The following ALMS1 variants were observed in gnomAD, a reference collection of about 807,000 sequenced individuals.
The protein encoded by ALMS1 is centrosome-associated protein ALMS1.
Under a neutral mutation model 352.2 loss-of-function variants are expected in ALMS1, and 271 were observed. The ratio of observed to expected loss-of-function variants is 0.77; its 90% CI spans 0.70 to 0.85. The LOEUF is 0.85. Among genes scored for constraint, ALMS1 ranks in the 40% least tolerant of loss-of-function variants. ALMS1 has a pLI of 0.00. For synonymous variants in ALMS1, 1,865 were observed against 1,761.2 expected (o/e 1.06, Z -1.48); for missense variants, 5,445 against 4,870.7 (o/e 1.12, Z -3.51).
At position 73,601,437 on chromosome 2, in the gene ALMS1, G is replaced by T. The variant is rs376719320; in HGVS notation, c.12114+1G>T. The T allele has an allele frequency of 6.2e-7, 1 of 1,613,862 alleles. No individual in the cohort carries two copies. Among genetic ancestry groups the T allele is most frequent in the Non-Finnish European group, 8.5e-7 (1 of 1,179,820 alleles). ...GCCATTTGTGAGAGCAACCCTTCAG[G>T]TGCAGTGACGTTGACTTAACTTTAA... is the stretch of plus-strand genomic sequence containing the variant. On this transcript the variant is annotated splice_donor_variant, in intron 19 of 22. Transcript: ENST00000613296. LOFTEE classifies it high-confidence loss of function.
chr2:73,541,107 A>T (rs1674168152), intron 12 of ALMS1, among the ~76,000 whole-genome samples: 1 of 152,224 alleles, frequency 6.6e-6, no homozygotes, highest in African/African-American at 2.4e-5. Context: ...TCCAAAAGTG[A>T]CCACATAGTT....
intron 13 of ALMS1, among the ~76,000 whole-genome samples, chr2:73,550,757 C>T (rs972918358): frequency 1.3e-5 from 2 of 152,020 alleles, no homozygotes; most frequent in African/African-American, 4.8e-5. Context: ...GATTAAATGC[C>T]ACATTAGTTT....
At chr2:73,535,464 A>G (rs1674008830) in intron 12 of ALMS1, among the ~76,000 whole-genome samples, 1 of 152,202 alleles carries the variant, frequency 6.6e-6, no homozygotes, top group African/African-American at 2.4e-5. Context: ...CAACTTCCCA[A>G]ACCATGAGAT....
Position 73,602,096 on chromosome 2 carries a change from T to C in ALMS1, c.12115-89T>C, listed in dbSNP as rs1057132675. 11 of 1,352,330 alleles carry C rather than the reference T, an allele frequency of 8.1e-6. 1 individual carries two copies. In the African/African-American group the frequency reaches 1.5e-4, roughly 18 times the overall value. The allele number at this position is 1,352,330 out of a possible 1,614,324, so 83.8% of individuals were successfully genotyped here. A position where few individuals can be genotyped will look rare whatever the true frequency, so the allele number is the denominator to read the frequency against. ...TTTGAATCAGACTTCCCCAAACCTCTTGGGCAGGTGGTGTGTCTCCAGGCA... is the reference window on the plus strand; with the variant it reads ...TTTGAATCAGACTTCCCCAAACCTCCTGGGCAGGTGGTGTGTCTCCAGGCA... On this transcript the variant is annotated intron_variant, in intron 19 of 22. Coordinates refer to ENST00000613296, the MANE Select transcript of ALMS1 (RefSeq NM_001378454.1).
intron 18 of ALMS1, 85 bp downstream of exon 18, chr2:73,600,966 C>T (rs1441251350): frequency 2.0e-6 from 3 of 1,485,528 alleles, no homozygotes; most frequent in Non-Finnish European, 1.8e-6. Context: ...TTCCAAGTGA[C>T]TCTATGTGGT....
intron 10 of ALMS1, among the ~76,000 whole-genome samples, chr2:73,493,148 C>A (rs1673027904): frequency 6.6e-6 from 1 of 151,902 alleles, no homozygotes. Context: ...GCCATTTGTT[C>A]AGGGTGTACG....
chr2:73,605,843 C>CA lies in ALMS1; in HGVS notation c.12362+2552dup, dbSNP rs1170715468. ...GGGCAACAAGTGCGAAACTCTGTCT[C>CA]AAAAAAAAAAAAAGAAAGAAAAGAA... On this transcript the variant is annotated intron_variant, in intron 21 of 22. Transcript: ENST00000613296. Among the ~76,000 whole-genome samples the CA allele has an allele frequency of 4.8e-3, 580 of 119,748 alleles. 8 individuals carry two copies. Among genetic ancestry groups the CA allele is most frequent in the Admixed American group, 9.6e-3 (112 of 11,680 alleles). The allele number at this position is 119,748 out of a possible 152,430, so 78.6% of individuals were successfully genotyped here. A position where few individuals can be genotyped will look rare whatever the true frequency, so the allele number is the denominator to read the frequency against.
In ALMS1 at chr2:73,448,275, T is replaced by C; in HGVS notation, c.1748T>C (p.Ile583Thr). 6.2e-7 allele frequency: 1 copy of C among 1,613,988 alleles called. No homozygotes were observed. Among genetic ancestry groups the C allele is most frequent in the Non-Finnish European group, 8.5e-7 (1 of 1,179,934 alleles). The change falls in exon 8 of 23, where the codon ATT becomes ACT. Residue 583 changes from isoleucine to threonine, a missense_variant. By Grantham distance (89) the Ile-to-Thr change is moderately conservative. Coordinates refer to ENST00000613296, the MANE Select transcript of ALMS1 (RefSeq NM_001378454.1). ...CACTCACATAGGGGGAAGCCCAGCA[T>C]TTTCTACCAGCAGGGCTTGCCAGAC... The part of the protein sequence containing the change: ...SSHSHRGKPS[I>T]FYQQGLPDSH...
chr2:73,424,844 A>G lies in ALMS1; in HGVS notation c.1179A>G (p.Ser393=), dbSNP rs765376715. Residue 393 remains serine (S), a synonymous_variant, in exon 5 of 23, where the codon TCA becomes TCG. Coordinates refer to ENST00000613296, the MANE Select transcript of ALMS1 (RefSeq NM_001378454.1). ...GTGACCATTTTGATGCTGCTCGTTC[A>G]TATGGGCAGTATTGGACACAGGAAG... ...KRSDHFDAAR[S]YGQYWTQEDS... 55 of 1,608,358 alleles carry G rather than the reference A, an allele frequency of 3.4e-5. No homozygotes were observed. The highest frequency in any genetic ancestry group is 4.6e-5 in the Non-Finnish European group (54 of 1,176,426).
intron 9 of ALMS1, among the ~76,000 whole-genome samples, chr2:73,486,450 T>C (rs1275353368): frequency 1.3e-5 from 2 of 152,170 alleles, no homozygotes; most frequent in Non-Finnish European, 2.9e-5. Flanking sequence ...TGGAGTAGAA[T>C]GGTTATTATT....
At chr2:73,580,956 G>T (rs566925497) in intron 16 of ALMS1, among the ~76,000 whole-genome samples, 15 of 152,188 alleles carry the variant, frequency 9.9e-5, no homozygotes, top group Non-Finnish European at 2.2e-4. Context: ...CTCCTTCAAT[G>T]CTTAGCCAGG....
chr2:73,478,849 C>A (rs2103859440), intron 9 of ALMS1, among the ~76,000 whole-genome samples: 1 of 152,094 alleles, frequency 6.6e-6, no homozygotes, highest in East Asian at 1.9e-4. Context: ...GCCCCTGACC[C>A]CACCGACAGG....
intron 1 of ALMS1, among the ~76,000 whole-genome samples, chr2:73,389,402 C>G (rs1182929169): frequency 6.6e-6 from 1 of 152,090 alleles, no homozygotes; most frequent in Non-Finnish European, 1.5e-5. Context: ...TCTGTTTACT[C>G]TGTTGGTAGT....
intron 9 of ALMS1, among the ~76,000 whole-genome samples, chr2:73,455,952 A>G (rs1381472866): frequency 2.0e-5 from 3 of 152,188 alleles, no homozygotes; most frequent in Non-Finnish European, 4.4e-5. Context: ...TTGAGTACAC[A>G]GCTATAATAG....
chr2:73,515,120 G>A lies in ALMS1; in HGVS notation c.9540-4655G>A, dbSNP rs75906714. Reference sequence around the variant, plus strand: ...CCGTGAGTCTCTTATGCTGTCATCCGTTCGTTCTTTTTATGTTTGGCAGTT... The same window carrying A: ...CCGTGAGTCTCTTATGCTGTCATCCATTCGTTCTTTTTATGTTTGGCAGTT... On this transcript the variant is annotated intron_variant, in intron 10 of 22. Coordinates refer to ENST00000613296, the MANE Select transcript of ALMS1 (RefSeq NM_001378454.1). 6.4e-3 allele frequency among the ~76,000 whole-genome samples: 976 copies of A among 152,180 alleles called. 11 individuals carry two copies. Among genetic ancestry groups the A allele is most frequent in the African/African-American group, 0.021 (858 of 41,550 alleles).
At chr2:73,590,348 T>C (rs1009077307) in intron 16 of ALMS1, among the ~76,000 whole-genome samples, 1 of 152,190 alleles carries the variant, frequency 6.6e-6, no homozygotes, top group Non-Finnish European at 1.5e-5. Context: ...CATCCACATT[T>C]GTTCCAAATA....
At chr2:73,413,251 A>G (rs148093179) in intron 2 of ALMS1, among the ~76,000 whole-genome samples, 17 of 151,906 alleles carry the variant, frequency 1.1e-4, no homozygotes, top group Non-Finnish European at 1.8e-4. Context: ...TTTTGCAGAG[A>G]CAGTCTGTGG....
chr2:73,400,889 C>T (rs1042060679), intron 1 of ALMS1, among the ~76,000 whole-genome samples: 3 of 152,040 alleles, frequency 2.0e-5, no homozygotes, highest in Non-Finnish European at 4.4e-5. Context: ...TGGGTTCAAG[C>T]GATTCTTGTG....
chr2:73,521,677 G>T (rs1430442563), intron 11 of ALMS1, among the ~76,000 whole-genome samples: 8 of 151,684 alleles, frequency 5.3e-5, no homozygotes, highest in African/African-American at 1.9e-4. Flanking sequence ...ATGAACCCAG[G>T]AGGCGGAGCT....
Sources: gnomAD v4.1 joint callset for allele counts (sites outside exome capture counted in the v4.1 genomes callset) on GRCh38, gnomAD v4.1.1 for gene constraint, MANE v1.5 for transcripts, NCBI Gene and HGNC (gene_info 2026-07-23, HGNC 2026-07-21) for gene names.